CRLF2: variants seen among roughly 807,000 people sequenced by gnomAD.
CRLF2 encodes the protein cytokine receptor-like factor 2.
Under a neutral mutation model 38.7 loss-of-function variants are expected in CRLF2, and 41 were observed. That is an observed-to-expected ratio of 1.06 (90% CI 0.83 to 1.37). The LOEUF is 1.37. Ranked by LOEUF, CRLF2 falls within the 40% of genes most tolerant of loss-of-function variation. The probability of loss-of-function intolerance (pLI) is 0.00; values close to 1 mark genes in which losing one functional copy is unlikely to be tolerated. For synonymous variants in CRLF2, 140 were observed against 128.8 expected, an observed-to-expected ratio of 1.09 and a Z score of -0.59; for missense variants, 377 against 322.2, an observed-to-expected ratio of 1.17 and a Z score of -1.30.
rs2086415535 is a variant in CRLF2, at chrX:1,192,764, CT to C, written c.852+453del. ...TCTTTCTTTCTTTCTTTCTTTCTTT[CT>C]TTCCTTCCTTCCTCTCTCCCCCTTT... is the stretch of plus-strand genomic sequence containing the variant. On this transcript the variant is annotated intron_variant, in intron 7 of 7. Transcript: ENST00000400841. Among the ~76,000 whole-genome samples the C allele has an allele frequency of 1.9e-4, 23 of 122,858 alleles. 1 individual carries two copies. Among genetic ancestry groups the C allele is most frequent in the Non-Finnish European group, 3.2e-4 (19 of 59,600 alleles). 80.6% of individuals were successfully genotyped at this position (122,858 alleles called of 152,430 possible).
intron 5 of CRLF2, 88 bp from the exon 6 acceptor site, chrX:1,196,988 C>A: frequency 9.0e-7 from 1 of 1,106,360 alleles, no homozygotes; most frequent in Non-Finnish European, 1.2e-6. Context: ...CATCCCTAAC[C>A]AGTCTCCCTC....
At chrX:1,205,933 G>T (rs2086683173) in intron 3 of CRLF2, among the ~76,000 whole-genome samples, 1 of 151,842 alleles carries the variant, frequency 6.6e-6, no homozygotes, top group South Asian at 2.1e-4. Flanking sequence ...CCGGTAATTT[G>T]CATGAGCTTT....
At chrX:1,210,739 G>A (rs1367589158) in intron 1 of CRLF2, among the ~76,000 whole-genome samples, 1 of 152,152 alleles carries the variant, frequency 6.6e-6, no homozygotes, top group East Asian at 1.9e-4. Flanking sequence ...AAATGGTAAT[G>A]TTAGATAGAT....
At chrX:1,192,708 T>TTTTCTCTCTTTC in intron 7 of CRLF2, among the ~76,000 whole-genome samples, 1 of 110,102 alleles carries the variant, frequency 9.1e-6, no homozygotes, top group African/African-American at 3.5e-5. Context: ...TTTTCTTTTC[T>TTTTCTCTCTTTC]TTTCTTTCTT....
At chrX:1,191,922 C>G (rs2086387366) in intron 7 of CRLF2, among the ~76,000 whole-genome samples, 1 of 151,880 alleles carries the variant, frequency 6.6e-6, no homozygotes, top group African/African-American at 2.4e-5. Context: ...CTAGTTTGAG[C>G]CAGCCGGCCG....
At chrX:1,191,379 TC>T (rs2086378632) in intron 7 of CRLF2, among the ~76,000 whole-genome samples, 2 of 148,640 alleles carry the variant, frequency 1.3e-5, no homozygotes, top group African/African-American at 5.0e-5. Flanking sequence ...TCTCTTTCTT[TC>T]TTTCTCTCTT....
chrX:1,195,798 A>C (rs1448754799), intron 6 of CRLF2, among the ~76,000 whole-genome samples: 1 of 89,884 alleles, frequency 1.1e-5, no homozygotes, highest in East Asian at 3.2e-4. Context: ...ATATATATTT[A>C]TATATTATAT....
rs764528631 is a variant in CRLF2 at position 1,212,556 on chromosome X, C to G, written c.79G>C (p.Ala27Pro). The G allele has an allele frequency of 1.2e-6, 2 of 1,610,158 alleles. No homozygotes were observed. Among genetic ancestry groups the G allele is most frequent in the Non-Finnish European group, 1.7e-6 (2 of 1,177,220 alleles). ...AAGAAGAGGGTGTTTAAATAATTAC[C>G]TGCTCCTCCTTGCCCCAAAGCCATC... ...GWMALGQGGAAEGVQIQIIYF... is the reference protein window; with the variant it reads ...GWMALGQGGAPEGVQIQIIYF... The change falls in exon 1 of 8, where the codon GCA becomes CCA. Residue 27 changes from alanine to proline, a missense_variant and splice_region_variant. By Grantham distance (27) the Ala-to-Pro change is conservative. Coordinates refer to ENST00000400841, the MANE Select transcript of CRLF2 (RefSeq NM_022148.4).
intron 3 of CRLF2, among the ~76,000 whole-genome samples, chrX:1,204,386 G>A (rs1468736960): frequency 2.0e-5 from 3 of 151,590 alleles, no homozygotes; most frequent in Non-Finnish European, 1.5e-5. Flanking sequence ...GCACCACCAA[G>A]CCCGGCTAAT....
intron 3 of CRLF2, 22 bp downstream of exon 3, chrX:1,206,411 G>T: frequency 6.2e-7 from 1 of 1,607,810 alleles, no homozygotes; most frequent in Middle Eastern, 1.7e-4. Flanking sequence ...AAAGCATGGT[G>T]AGCTGGCTTT....
At chrX:1,212,063 T>C (rs1206266119) in intron 1 of CRLF2, among the ~76,000 whole-genome samples, 1 of 150,650 alleles carries the variant, frequency 6.6e-6, no homozygotes, top group Non-Finnish European at 1.5e-5. Context: ...GGTGGGTTGA[T>C]GGGTGGGTGA....
At chrX:1,201,647 C>T (rs868119788) in intron 4 of CRLF2, among the ~76,000 whole-genome samples, 1 of 127,828 alleles carries the variant, frequency 7.8e-6, no homozygotes, top group African/African-American at 3.1e-5. Flanking sequence ...ATAGATGATA[C>T]ATTAGATAGA....
intron 7 of CRLF2, among the ~76,000 whole-genome samples, chrX:1,192,183 C>T (rs1422500082): frequency 4.0e-4 from 51 of 126,346 alleles, no homozygotes; most frequent in South Asian, 1.3e-3. Context: ...CCAGCCTGGG[C>T]GACAGAGCGA....
chrX:1,197,922 A>G (rs1569468650), intron 5 of CRLF2, among the ~76,000 whole-genome samples: 1 of 152,132 alleles, frequency 6.6e-6, no homozygotes. Context: ...GAATCGATTG[A>G]ACGTGGGAGA....
chrX:1,200,700 G>C (rs1256149573), intron 4 of CRLF2, among the ~76,000 whole-genome samples: 1 of 46,904 alleles, frequency 2.1e-5, no homozygotes, highest in Non-Finnish European at 4.8e-5. Context: ...GTATATGTGT[G>C]TGTATATAAG....
chrX:1,192,093 T>C (rs1369251559), intron 7 of CRLF2, among the ~76,000 whole-genome samples: 4 of 146,554 alleles, frequency 2.7e-5, no homozygotes, highest in South Asian at 2.2e-4. Context: ...TAGTCCCAGC[T>C]ACTTGGGAGG....
At position 1,212,417 on chromosome X, in the gene CRLF2, G is replaced by GAA. The variant is rs1336623965; in HGVS notation, c.79+138_79+139insTT. On this transcript the variant is annotated intron_variant, in intron 1 of 7. Transcript: ENST00000400841. Reference sequence around the variant, plus strand: ...TGAGGCAGGAGAATTGCTTGAACCCGGAAAAAAAAAAAAAAAAAAAAGAAA... The same window carrying GAA: ...TGAGGCAGGAGAATTGCTTGAACCCGAAGAAAAAAAAAAAAAAAAAAAAGAAA... 57 of 531,602 alleles carry GAA rather than the reference G, an allele frequency of 1.1e-4. No individual in the cohort carries two copies. The African/African-American group carries it at 1.7e-3, about 16-fold the overall frequency. The allele number at this position is 531,602 out of a possible 1,614,324, so 32.9% of individuals were successfully genotyped here. A position where few individuals can be genotyped will look rare whatever the true frequency, so the allele number is the denominator to read the frequency against.
intron 1 of CRLF2, among the ~76,000 whole-genome samples, chrX:1,211,981 T>C (rs1292602601): frequency 1.4e-5 from 2 of 146,194 alleles, no homozygotes; most frequent in African/African-American, 5.1e-5. Context: ...GATGGGAGGA[T>C]GGATAGATAA....
intron 1 of CRLF2, 114 bp downstream of exon 1, chrX:1,212,439 GAAA>G: frequency 2.9e-6 from 1 of 344,026 alleles, no homozygotes; most frequent in Non-Finnish European, 5.1e-6. Context: ...AAAAAAAAAA[GAAA>G]AGAAGAAAGA....
Sources: allele counts gnomAD v4.1 joint callset (sites outside exome capture counted in the v4.1 genomes callset), GRCh38; gene constraint gnomAD v4.1.1; transcripts MANE v1.5; gene names NCBI Gene and HGNC (gene_info 2026-07-23, HGNC 2026-07-21).